Variants in PROX2 observed in about 807,000 individuals in gnomAD.
PROX2 encodes the protein prospero homeobox protein 2.
Under a neutral mutation model 48.9 loss-of-function variants are expected in PROX2, and 46 were observed. That is an observed-to-expected ratio of 0.94 (90% CI 0.74 to 1.20). The LOEUF (loss-of-function observed/expected upper bound fraction) is 1.20, where lower values mean the gene tolerates loss of function less well. Ranked by LOEUF, PROX2 falls within the 50% of genes most tolerant of loss-of-function variation. The pLI is 0.00. For synonymous variants in PROX2, 260 were observed against 276.6 expected, an observed-to-expected ratio of 0.94 and a Z score of 0.60; for missense variants, 663 against 719.4, an observed-to-expected ratio of 0.92 and a Z score of 0.90.
At chr14:74,870,441 T>TACACACACACACACACACAC (rs10525556) in intron 2 of PROX2, among the ~76,000 whole-genome samples, 9,900 of 110,570 alleles carry the variant, frequency 0.09, 773 homozygotes, top group African/African-American at 0.13. Flanking sequence ...AAAAAAAAAA[T>TACACACACACACACACACAC]ACACACACAC....
Position 74,853,308 on chromosome 14 carries a change from C to A in PROX2, c.*1824G>T, listed in dbSNP as rs1776469805. On this transcript the variant is annotated 3_prime_UTR_variant, in exon 6 of 6. Transcript: ENST00000556489. The stretch of plus-strand genomic sequence containing the variant: ...TATGTCTAACTTAGGTATGTAATGT[C>A]ACTCTGGATAGAGGGTTCTTCTACT... 1 of 152,208 alleles carries A rather than the reference C, an allele frequency of 6.6e-6. No individual in the cohort carries two copies. Among genetic ancestry groups the A allele is most frequent in the South Asian group, 2.1e-4 (1 of 4,834 alleles). 9.4% of individuals were successfully genotyped at this position (152,208 alleles called of 1,614,324 possible). A position where few individuals can be genotyped will look rare whatever the true frequency, so the allele number is the denominator to read the frequency against.
In PROX2 at chr14:74,862,512, A is replaced by G. The variant is rs770999320; in HGVS notation, c.1305+18T>C. On this transcript the variant is annotated intron_variant, in intron 3 of 5. Transcript: ENST00000556489. ...CACCTGGCCAACAATGAGAACTTCAATTGCTATTAAAGGATATGTGGACCA... is the reference window on the plus strand; with the variant it reads ...CACCTGGCCAACAATGAGAACTTCAGTTGCTATTAAAGGATATGTGGACCA... 5.0e-6 allele frequency: 8 copies of G among 1,599,084 alleles called. No individual in the cohort carries two copies. The East Asian group carries it at 1.6e-4, about 31-fold the overall frequency.
At chr14:74,868,504 C>T (rs1883131290) in intron 2 of PROX2, among the ~76,000 whole-genome samples, 1 of 151,378 alleles carries the variant, frequency 6.6e-6, no homozygotes, top group South Asian at 2.1e-4. Flanking sequence ...AACAAGTTCT[C>T]CTTTGATAGA....
Position 74,864,841 on chromosome 14 carries a change from CA to C in PROX2, c.-174-834del, listed in dbSNP as rs796334546. Reference sequence around the variant, plus strand: ...TGGGTGACAGAGCGAGACTCCATCTCAAAAAAAAAAAGCAAATTCAGGCCGG... The same window carrying C: ...TGGGTGACAGAGCGAGACTCCATCTCAAAAAAAAAAGCAAATTCAGGCCGG... On this transcript the variant is annotated intron_variant, in intron 2 of 5. Transcript: ENST00000556489. 2.4e-3 allele frequency among the ~76,000 whole-genome samples: 277 copies of C among 113,618 alleles called. 1 individual carries two copies. The highest frequency in any genetic ancestry group is 6.7e-3 in the African/African-American group (203 of 30,362). 74.5% of individuals were successfully genotyped at this position (113,618 alleles called of 152,430 possible).
chr14:74,861,776 A>G (rs1055595724), intron 3 of PROX2, among the ~76,000 whole-genome samples: 1 of 152,216 alleles, frequency 6.6e-6, no homozygotes, highest in Non-Finnish European at 1.5e-5. Context: ...CATTTGGCCC[A>G]GAAGTTTCTT....
Position 74,863,519 on chromosome 14 carries a change from G to T in PROX2, c.316C>A (p.Gln106Lys). The T allele has an allele frequency of 6.2e-7, 1 of 1,613,552 alleles. No homozygotes were observed. The highest frequency in any genetic ancestry group is 8.5e-7 in the Non-Finnish European group (1 of 1,179,668). ...PKKARERKRK[Q>K]NLPTPQGLLM... ...AGGCCTTGCGGTGTGGGAAGGTTCT[G>T]CTTCCTCTTCCTCTCTCGGGCCTTC... The change falls in exon 3 of 6, where the codon CAG (glutamine) becomes AAG (lysine). Residue 106 changes from glutamine (Q) to lysine (K), a missense_variant. Coordinates refer to ENST00000556489, the MANE Select transcript of PROX2 (RefSeq NM_001243007.2).
At chr14:74,856,649 G>A (rs2091745155) in intron 5 of PROX2, 152 bp downstream of exon 5, 2 of 630,304 alleles carry the variant, frequency 3.2e-6, no homozygotes, top group Admixed American at 5.9e-5. Flanking sequence ...AGATGTTGAG[G>A]CTGTAATCTT....
intron 1 of PROX2, among the ~76,000 whole-genome samples, chr14:74,872,162 C>T (rs990336603): frequency 1.3e-5 from 2 of 152,208 alleles, no homozygotes; most frequent in African/African-American, 4.8e-5. Context: ...TATGGAGAGT[C>T]CTTAGGTAAA....
At chr14:74,861,306 C>T (rs2091793602) in intron 3 of PROX2, 6 of 1,019,344 alleles carry the variant, frequency 5.9e-6, no homozygotes, top group Middle Eastern at 4.8e-4. Flanking sequence ...GCTTAAAAAG[C>T]AACATCCAAA....
At chr14:74,870,286 T>C (rs1047052620) in intron 2 of PROX2, among the ~76,000 whole-genome samples, 6 of 150,974 alleles carry the variant, frequency 4.0e-5, no homozygotes, top group Non-Finnish European at 8.9e-5. Context: ...ACCTGGGCAT[T>C]GTGGTGGCTT....
intron 5 of PROX2, chr14:74,855,555 A>T (rs2091736992): frequency 2.9e-6 from 1 of 348,438 alleles, no homozygotes; most frequent in Non-Finnish European, 5.1e-6. Context: ...GGAGGAGCTG[A>T]TCTCGCTAAT....
At chr14:74,869,504 C>T (rs1247070336) in intron 2 of PROX2, among the ~76,000 whole-genome samples, 1 of 152,090 alleles carries the variant, frequency 6.6e-6, no homozygotes, top group African/African-American at 2.4e-5. Context: ...TCTCTAACTC[C>T]CGACCTCAGG....
In PROX2 at chr14:74,854,845, C is replaced by T. The variant is rs2091729952; in HGVS notation, c.*287G>A. On this transcript the variant is annotated 3_prime_UTR_variant, in exon 6 of 6. Coordinates refer to ENST00000556489, the MANE Select transcript of PROX2 (RefSeq NM_001243007.2). ...AGATACCAGGAAGTTCCCAGGGTCACAACACCTGGAAACAATGGAGTTGAG... is the reference window on the plus strand; with the variant it reads ...AGATACCAGGAAGTTCCCAGGGTCATAACACCTGGAAACAATGGAGTTGAG... 1 of 232,312 alleles carries T rather than the reference C, an allele frequency of 4.3e-6. No individual in the cohort carries two copies. The highest frequency in any genetic ancestry group is 8.2e-6 in the Non-Finnish European group (1 of 121,364). The allele number at this position is 232,312 out of a possible 1,614,324, so 14.4% of individuals were successfully genotyped here.
chr14:74,863,019 T>C lies in PROX2; in HGVS notation c.816A>G (p.Ser272=), dbSNP rs761707166. 8.7e-6 allele frequency: 14 copies of C among 1,613,786 alleles called. No homozygotes were observed. In the Admixed American group the frequency reaches 1.8e-4, roughly 21 times the overall value. ...GQVAEGRSEP[S]PPVGGACKDP... ...CTTTACAGGCCCCTCCCACAGGAGG[T>C]GAGGGCTCGCTTCTACCCTCTGCCA... Residue 272 remains serine (S), a synonymous_variant, in exon 3 of 6, where the codon TCA becomes TCG. Coordinates refer to ENST00000556489, the MANE Select transcript of PROX2 (RefSeq NM_001243007.2).
At chr14:74,866,308 G>A (rs1290012792) in intron 2 of PROX2, among the ~76,000 whole-genome samples, 1 of 152,166 alleles carries the variant, frequency 6.6e-6, no homozygotes, top group Admixed American at 6.5e-5. Flanking sequence ...TAAGCCTGGG[G>A]TTCAGTCAGG....
intron 2 of PROX2, among the ~76,000 whole-genome samples, chr14:74,868,316 TA>T (rs1883119044): frequency 1.0e-4 from 1 of 9,866 alleles, no homozygotes; most frequent in Admixed American, 7.0e-4. Flanking sequence ...CTCGTAATTA[TA>T]TATATATATA....
At chr14:74,855,657 CTG>C (rs1401969612) in intron 5 of PROX2, 1 of 169,162 alleles carries the variant, frequency 5.9e-6, no homozygotes, top group Non-Finnish European at 1.3e-5. Flanking sequence ...CTAGTACTAA[CTG>C]TGGAAAGGAG....
At chr14:74,868,489 T>C (rs372779400) in intron 2 of PROX2, among the ~76,000 whole-genome samples, 1 of 151,574 alleles carries the variant, frequency 6.6e-6, no homozygotes, top group East Asian at 1.9e-4. Context: ...TACCCTAATT[T>C]ACTTAACAAG....
At position 74,863,077 on chromosome 14, in the gene PROX2, A is replaced by G. The variant is rs1472509383; in HGVS notation, c.758T>C (p.Leu253Pro). Residue 253 changes from leucine to proline, a missense_variant, in exon 3 of 6, where the codon CTG (leucine) becomes CCG (proline). Leu to Pro is a moderately conservative substitution (Grantham distance 98). Coordinates refer to ENST00000556489, the MANE Select transcript of PROX2 (RefSeq NM_001243007.2). Reference sequence around the variant, plus strand: ...CTGGAAGCTTCTGCCCAGCTGAGTCAGGTGGCCTGGTGGATCCAATAGTAC... The same window carrying G: ...CTGGAAGCTTCTGCCCAGCTGAGTCGGGTGGCCTGGTGGATCCAATAGTAC... ...QKVLLDPPGH[L>P]TQLGRSFQGQ... 5 of 1,613,972 alleles carry G rather than the reference A, an allele frequency of 3.1e-6. No homozygotes were observed. Among genetic ancestry groups the G allele is most frequent in the South Asian group, 1.1e-5 (1 of 91,084 alleles).
Sources: allele counts gnomAD v4.1 joint callset (sites outside exome capture counted in the v4.1 genomes callset), GRCh38; gene constraint gnomAD v4.1.1; transcripts MANE v1.5; gene names NCBI Gene and HGNC (gene_info 2026-07-23, HGNC 2026-07-21).